The following HDAC9 variants were observed in gnomAD, a reference collection of about 807,000 sequenced individuals.
HDAC9 encodes the protein histone deacetylase 9.
In HDAC9, 41 loss-of-function variants were observed where a neutral mutation model predicts 139.4. The ratio of observed to expected loss-of-function variants is 0.29; its 90% confidence interval spans 0.23 to 0.38. The LOEUF is 0.38. HDAC9 is among the 10% of genes least tolerant of loss of function. The probability of loss-of-function intolerance (pLI) is 1.00; values close to 1 mark genes in which losing one functional copy is unlikely to be tolerated. For synonymous variants in HDAC9, 517 were observed against 476.2 expected, an observed-to-expected ratio of 1.09 and a Z score of -1.12; for missense variants, 1,147 against 1,297.0, an observed-to-expected ratio of 0.88 and a Z score of 1.78.
At chr7:18,481,533 G>C (rs892332834) in intron 1 of HDAC9, among the ~76,000 whole-genome samples, 6 of 152,080 alleles carry the variant, frequency 3.9e-5, no homozygotes. Flanking sequence ...GTTATACTTG[G>C]TTCTGTTTAC....
Position 18,495,837 on chromosome 7 carries a change from T to G in HDAC9, c.-228T>G. ...TTTTTGCAACAAAACCCTAGCAGCC[T>G]GAAGAACTCTAAGCCAGGTTTAATT... On this transcript the variant is annotated 5_prime_UTR_variant, in exon 1 of 26. Coordinates refer to ENST00000686413, the MANE Select transcript of HDAC9 (RefSeq NM_178425.4). 2.9e-6 allele frequency: 3 copies of G among 1,037,192 alleles called. No individual in the cohort carries two copies. The highest frequency in any genetic ancestry group is 3.5e-6 in the Non-Finnish European group (3 of 864,274). 64.2% of individuals were successfully genotyped at this position (1,037,192 alleles called of 1,614,324 possible).
chr7:18,667,369 GTGTA>G (rs1361624215), intron 12 of HDAC9: 3 of 982,816 alleles, frequency 3.1e-6, no homozygotes, highest in Admixed American at 6.2e-5. Flanking sequence ...TGAAAAGAAG[GTGTA>G]TCATATTTTA....
Position 18,610,475 on chromosome 7 carries a change from C to T in HDAC9, c.664+16446C>T, listed in dbSNP as rs115285312. ...ATAGCAAAAACAAACACTCTTTCCC[C>T]GGTCATTCTGATAAATTCCCAGGAC... On this transcript the variant is annotated intron_variant, in intron 6 of 25. Transcript: ENST00000686413. Among the ~76,000 whole-genome samples, 270 of 152,258 alleles carry T rather than the reference C, an allele frequency of 1.8e-3. 1 individual carries two copies. The highest frequency in any genetic ancestry group is 6.8e-3 in the Middle Eastern group (2 of 294).
chr7:18,769,914 T>G (rs964561037), intron 16 of HDAC9, among the ~76,000 whole-genome samples: 1 of 152,152 alleles, frequency 6.6e-6, no homozygotes, highest in African/African-American at 2.4e-5. Context: ...GAGGGACCTG[T>G]TGGTTTCCAT....
At chr7:18,570,774 T>C (rs1824027009) in intron 2 of HDAC9, among the ~76,000 whole-genome samples, 1 of 152,250 alleles carries the variant, frequency 6.6e-6, no homozygotes, top group South Asian at 2.1e-4. Context: ...AACAAATGAA[T>C]GAATATTTAC....
At chr7:18,638,640 A>C (rs1469292429) in intron 8 of HDAC9, among the ~76,000 whole-genome samples, 1 of 152,038 alleles carries the variant, frequency 6.6e-6, no homozygotes, top group Non-Finnish European at 1.5e-5. Context: ...TGAAGTTCGG[A>C]ACAAGTTCAT....
intron 8 of HDAC9, among the ~76,000 whole-genome samples, chr7:18,635,862 T>C (rs1025514455): frequency 6.6e-6 from 1 of 152,126 alleles, no homozygotes; most frequent in Non-Finnish European, 1.5e-5. Flanking sequence ...CTTCACTGTC[T>C]CCTGAGGCAA....
chr7:18,558,641 T>C (rs569530909), intron 2 of HDAC9, among the ~76,000 whole-genome samples: 2 of 152,306 alleles, frequency 1.3e-5, no homozygotes, highest in East Asian at 1.9e-4. Flanking sequence ...CCAACTTTAA[T>C]TGCTTTCTCT....
chr7:18,523,376 G>T (rs761833987), intron 2 of HDAC9, among the ~76,000 whole-genome samples: 79 of 152,196 alleles, frequency 5.2e-4, no homozygotes, highest in Non-Finnish European at 1.0e-3. Flanking sequence ...AGAATAGTAA[G>T]AGTGAACTGG....
chr7:18,357,834 A>G (rs1783442763), intron 1 of HDAC9, among the ~76,000 whole-genome samples: 1 of 152,172 alleles, frequency 6.6e-6, no homozygotes, highest in South Asian at 2.1e-4. Context: ...GAAGTAAGCT[A>G]GGATGTGGCT....
At chr7:18,604,723 C>G (rs981148696) in intron 6 of HDAC9, among the ~76,000 whole-genome samples, 1 of 152,108 alleles carries the variant, frequency 6.6e-6, no homozygotes, top group Non-Finnish European at 1.5e-5. Context: ...ATTTCTACTG[C>G]TGTGCTTTTG....
chr7:18,647,529 T>G (rs559116945), intron 9 of HDAC9, among the ~76,000 whole-genome samples: 20 of 152,328 alleles, frequency 1.3e-4, no homozygotes, highest in Middle Eastern at 3.4e-3. Flanking sequence ...GCATCACTTC[T>G]GATTTTAATT....
intron 13 of HDAC9, among the ~76,000 whole-genome samples, chr7:18,743,753 G>A (rs933451347): frequency 2.0e-5 from 3 of 151,590 alleles, no homozygotes; most frequent in South Asian, 2.1e-4. Flanking sequence ...ATAAGACACC[G>A]TAAGTCTTAT....
chr7:18,758,495 T>A (rs1789081932), intron 14 of HDAC9, among the ~76,000 whole-genome samples: 1 of 152,158 alleles, frequency 6.6e-6, no homozygotes, highest in African/African-American at 2.4e-5. Context: ...TGGGAATATC[T>A]ATATTTAAGC....
intron 2 of HDAC9, among the ~76,000 whole-genome samples, chr7:18,277,273 G>A (rs1372049237): frequency 6.6e-6 from 1 of 152,166 alleles, no homozygotes; most frequent in African/African-American, 2.4e-5. Context: ...GGCAGGCTCT[G>A]CTTGGATGGA....
intron 21 of HDAC9, among the ~76,000 whole-genome samples, chr7:18,851,858 G>C (rs765430632): frequency 6.6e-6 from 1 of 152,154 alleles, no homozygotes; most frequent in African/African-American, 2.4e-5. Context: ...TCCAATCAAA[G>C]TTGGTTTCCT....
chr7:18,769,870 G>A (rs917935457), intron 16 of HDAC9, among the ~76,000 whole-genome samples: 1 of 152,068 alleles, frequency 6.6e-6, no homozygotes, highest in African/African-American at 2.4e-5. Context: ...AATGACTTTT[G>A]TCTTAAGGCA....
chr7:18,523,811 G>A (rs552088063), intron 2 of HDAC9, among the ~76,000 whole-genome samples: 1 of 152,184 alleles, frequency 6.6e-6, no homozygotes, highest in African/African-American at 2.4e-5. Flanking sequence ...AAGATTTTCA[G>A]CAAAGGATTG....
At chr7:18,177,985 A>G (rs1015628468) in intron 2 of HDAC9, among the ~76,000 whole-genome samples, 3 of 151,868 alleles carry the variant, frequency 2.0e-5, no homozygotes, top group African/African-American at 7.3e-5. Flanking sequence ...TTGCTTATTC[A>G]TTTGTTGACT....
Sources: allele counts gnomAD v4.1 joint callset (sites outside exome capture counted in the v4.1 genomes callset), GRCh38; gene constraint gnomAD v4.1.1; transcripts MANE v1.5; gene names NCBI Gene and HGNC (gene_info 2026-07-23, HGNC 2026-07-21).